The following RYR2 variants were observed in gnomAD, a reference collection of about 807,000 sequenced individuals.
RYR2 encodes the protein cardiac muscle ryanodine receptor-calcium release channel.
A neutral mutation model predicts 601.1 loss-of-function variants in RYR2; 227 were observed. The observed-to-expected ratio is 0.38, with a 90% CI of 0.34 to 0.42. The LOEUF is 0.42. RYR2 is among the 10% of genes least tolerant of loss of function. The probability of loss-of-function intolerance (pLI) is 1.00; values close to 1 mark genes in which losing one functional copy is unlikely to be tolerated. For synonymous variants in RYR2, 2,223 were observed against 2,175.1 expected, an observed-to-expected ratio of 1.02 and a Z score of -0.61; for missense variants, 4,646 against 6,156.5, an observed-to-expected ratio of 0.75 and a Z score of 8.21.
chr1:237,336,165 T>C (rs1281612611), intron 3 of RYR2, among the ~76,000 whole-genome samples: 1 of 152,180 alleles, frequency 6.6e-6, no homozygotes, highest in Non-Finnish European at 1.5e-5. Flanking sequence ...GTGGAACTTG[T>C]TGTTCCTTTA....
Position 237,659,348 on chromosome 1 carries a change from A to G in RYR2, c.8209-637A>G, listed in dbSNP as rs1683552865. ...GGAGTTGGTGATGGAGAGGAATATT[A>G]CAGGAAGGTTTTCCAGTCTAATTAC... On this transcript the variant is annotated intron_variant, in intron 54 of 104. Coordinates refer to ENST00000366574, the MANE Select transcript of RYR2 (RefSeq NM_001035.3). 2.6e-5 allele frequency among the ~76,000 whole-genome samples: 4 copies of G among 152,332 alleles called. 1 individual carries two copies. In the South Asian group the frequency reaches 8.3e-4, roughly 32 times the overall value.
At chr1:237,642,442 C>G (rs959087590) in intron 47 of RYR2, among the ~76,000 whole-genome samples, 3 of 152,126 alleles carry the variant, frequency 2.0e-5, no homozygotes, top group African/African-American at 7.2e-5. Flanking sequence ...AACAAAAATA[C>G]TTGCTCACAA....
intron 96 of RYR2, among the ~76,000 whole-genome samples, 167 bp downstream of exon 96, chr1:237,795,498 C>T (rs1408316688): frequency 6.6e-6 from 1 of 151,526 alleles, no homozygotes; most frequent in East Asian, 1.9e-4. Context: ...GTCACCCAGG[C>T]TGGAGTGCAG....
intron 1 of RYR2, among the ~76,000 whole-genome samples, chr1:237,099,560 T>A (rs1476904666): frequency 1.3e-5 from 2 of 152,120 alleles, no homozygotes; most frequent in African/African-American, 4.8e-5. Context: ...CTTTGACAGC[T>A]CTTTGCCATT....
chr1:237,421,093 G>T lies in RYR2; in HGVS notation c.849-1999G>T, dbSNP rs758296727. Among the ~76,000 whole-genome samples, 149 of 152,260 alleles carry T rather than the reference G, an allele frequency of 9.8e-4. 1 individual carries two copies. The highest frequency in any genetic ancestry group is 1.5e-3 in the Non-Finnish European group (105 of 68,028). On this transcript the variant is annotated intron_variant, in intron 11 of 104. Transcript: ENST00000366574. ...GTCTCTACTGAAAATACAAAAGTTA[G>T]CCGGGCGCGGTGGCTGGCGCCTATA...
intron 17 of RYR2, among the ~76,000 whole-genome samples, chr1:237,486,537 A>C (rs111679170): frequency 7.3e-6 from 1 of 137,788 alleles, no homozygotes; most frequent in African/African-American, 2.7e-5. Context: ...AAAAGACTCC[A>C]TAGATTAAAA....
chr1:237,251,822 C>T (rs1228167426), intron 1 of RYR2, among the ~76,000 whole-genome samples: 1 of 152,192 alleles, frequency 6.6e-6, no homozygotes, highest in Non-Finnish European at 1.5e-5. Context: ...ATTCTCCTCC[C>T]CTATCACTAA....
Position 237,832,697 on chromosome 1 carries a change from C to T in RYR2, c.*50C>T, listed in dbSNP as rs1663941455. The T allele has an allele frequency of 1.9e-6, 2 of 1,061,904 alleles. No homozygotes were observed. The highest frequency in any genetic ancestry group is 1.4e-6 in the Non-Finnish European group (1 of 696,128). The allele number at this position is 1,061,904 out of a possible 1,614,324, so 65.8% of individuals were successfully genotyped here. On this transcript the variant is annotated 3_prime_UTR_variant, in exon 105 of 105. Coordinates refer to ENST00000366574, the MANE Select transcript of RYR2 (RefSeq NM_001035.3). ...ACCAAAACCCTACCCCTCTCTCTCC[C>T]TCTCTCAATTTCTCTGCTCTCTTGG...
chr1:237,671,011 C>T (rs1330424529), intron 58 of RYR2, among the ~76,000 whole-genome samples: 4 of 152,126 alleles, frequency 2.6e-5, no homozygotes, highest in Non-Finnish European at 4.4e-5. Flanking sequence ...TCATACCACT[C>T]GTAAATGGCA....
intron 1 of RYR2, among the ~76,000 whole-genome samples, chr1:237,164,061 G>A (rs893183314): frequency 1.3e-5 from 2 of 152,202 alleles, no homozygotes; most frequent in African/African-American, 4.8e-5. Flanking sequence ...TGAGGCAGGT[G>A]GATCACCTGA....
At chr1:237,085,037 T>G (rs1182557599) in intron 1 of RYR2, among the ~76,000 whole-genome samples, 1 of 152,238 alleles carries the variant, frequency 6.6e-6, no homozygotes, top group Admixed American at 6.5e-5. Flanking sequence ...GGTTATTTCA[T>G]TGAGTTATCT....
At chr1:237,769,268 G>A (rs1046948279) in intron 84 of RYR2, among the ~76,000 whole-genome samples, 2 of 152,126 alleles carry the variant, frequency 1.3e-5, no homozygotes, top group Non-Finnish European at 2.9e-5. Context: ...TCATGAAAAT[G>A]GAACTAAGTA....
intron 2 of RYR2, among the ~76,000 whole-genome samples, chr1:237,312,661 A>G (rs1257024294): frequency 1.3e-5 from 2 of 152,248 alleles, no homozygotes; most frequent in African/African-American, 4.8e-5. Flanking sequence ...AATCTGTGAC[A>G]TAGGGAGACT....
At chr1:237,826,443 C>T (rs547797958) in intron 101 of RYR2, among the ~76,000 whole-genome samples, 3 of 152,296 alleles carry the variant, frequency 2.0e-5, no homozygotes, top group African/African-American at 7.2e-5. Flanking sequence ...CATGTTCTCA[C>T]TCATAAGTGG....
At chr1:237,441,263 C>T in intron 12 of RYR2, 56 bp from the exon 13 acceptor site, 1 of 1,590,434 alleles carries the variant, frequency 6.3e-7, no homozygotes. Context: ...ATTCTATTGC[C>T]ATACACTAGT....
intron 17 of RYR2, among the ~76,000 whole-genome samples, chr1:237,489,073 C>A (rs762569343): frequency 3.3e-5 from 5 of 152,114 alleles, no homozygotes; most frequent in African/African-American, 7.2e-5. Context: ...TATGTAAATG[C>A]AGGTGCATAG....
At chr1:237,752,905 T>C (rs974464892) in intron 80 of RYR2, among the ~76,000 whole-genome samples, 3 of 152,234 alleles carry the variant, frequency 2.0e-5, no homozygotes, top group Non-Finnish European at 2.9e-5. Flanking sequence ...TATTCTCTTA[T>C]AACTTGCTAC....
At chr1:237,631,858 G>A (rs950220156) in intron 42 of RYR2, among the ~76,000 whole-genome samples, 2 of 107,114 alleles carry the variant, frequency 1.9e-5, no homozygotes, top group East Asian at 2.3e-4. Context: ...TCGATCTCCT[G>A]ACCTCGTGAT....
At chr1:237,703,507 T>C (rs2149043882) in intron 66 of RYR2, among the ~76,000 whole-genome samples, 1 of 150,702 alleles carries the variant, frequency 6.6e-6, no homozygotes, top group African/African-American at 2.4e-5. Flanking sequence ...TTCATTAAAA[T>C]GATTAACCTC....
Sources: allele counts gnomAD v4.1 joint callset (sites outside exome capture counted in the v4.1 genomes callset), GRCh38; gene constraint gnomAD v4.1.1; transcripts MANE v1.5; gene names NCBI Gene and HGNC (gene_info 2026-07-23, HGNC 2026-07-21).